The following ADCY8 variants were observed in gnomAD, a reference collection of about 807,000 sequenced individuals.
ADCY8 encodes the protein adenylate cyclase type 8.
ADCY8 carries 51 observed loss-of-function variants against 119.7 expected under a neutral mutation model. That is an observed-to-expected ratio of 0.43 (90% CI 0.34 to 0.54). The LOEUF (loss-of-function observed/expected upper bound fraction) is 0.54. Ranked by LOEUF, ADCY8 falls within the 20% of genes least tolerant of loss-of-function variation. The probability of loss-of-function intolerance (pLI) is 0.03; values close to 1 mark genes in which losing one functional copy is unlikely to be tolerated. For missense variants in ADCY8, 1,383 were observed against 1,598.8 expected (o/e 0.87, Z 2.30); for synonymous variants, 665 against 651.0 (o/e 1.02, Z -0.33).
intron 15 of ADCY8, among the ~76,000 whole-genome samples, chr8:130,787,599 A>G (rs1368445239): frequency 6.6e-6 from 1 of 152,150 alleles, no homozygotes; most frequent in Non-Finnish European, 1.5e-5. Context: ...CTACATGTGT[A>G]CAGTACATGT....
rs114405066 is a variant in ADCY8 at position 130,797,311 on chromosome 8, T to C, written c.3060+3115A>G. On this transcript the variant is annotated intron_variant, in intron 15 of 17. Coordinates refer to ENST00000286355, the MANE Select transcript of ADCY8 (RefSeq NM_001115.3). ...GTAGCCCAAGACAATTCTTCTTTCA[T>C]TGTAGCCCAAGGAAGCCAAAACACT... 9.6e-3 allele frequency among the ~76,000 whole-genome samples: 1,456 copies of C among 152,306 alleles called. 18 individuals carry two copies. The highest frequency in any genetic ancestry group is 0.033 in the African/African-American group (1,388 of 41,554).
chr8:130,885,010 A>G lies in ADCY8; in HGVS notation c.1912-249T>C, dbSNP rs60065744. ...CACACTGAATTCCTTTGGTTGAGGT[A>G]TTTGGAGAGTTGTTGGCTTAGAAAT... On this transcript the variant is annotated intron_variant, in intron 7 of 17. Transcript: ENST00000286355. Among the ~76,000 whole-genome samples, 160 of 152,266 alleles carry G rather than the reference A, an allele frequency of 1.1e-3. 2 individuals carry two copies. The highest frequency in any genetic ancestry group is 3.9e-3 in the African/African-American group (160 of 41,552).
intron 2 of ADCY8, among the ~76,000 whole-genome samples, chr8:130,974,098 C>T (rs370878048): frequency 3.3e-5 from 5 of 152,206 alleles, no homozygotes; most frequent in Admixed American, 3.3e-4. Context: ...GTAGAGTAGA[C>T]TAGCAACCTA....
intron 1 of ADCY8, among the ~76,000 whole-genome samples, chr8:131,014,993 A>T (rs961817381): frequency 1.3e-5 from 2 of 151,114 alleles, no homozygotes; most frequent in African/African-American, 4.9e-5. Context: ...TCAGAGAGAA[A>T]GGAGACAGGC....
chr8:130,909,947 T>A, intron 5 of ADCY8, 81 bp from the exon 6 acceptor site: 1 of 1,364,338 alleles, frequency 7.3e-7, no homozygotes, highest in South Asian at 1.4e-5. Context: ...TTTCTTTTTT[T>A]TTTTTTTTGA....
At chr8:131,027,653 C>T (rs1823862786) in intron 1 of ADCY8, among the ~76,000 whole-genome samples, 1 of 152,140 alleles carries the variant, frequency 6.6e-6, no homozygotes, top group African/African-American at 2.4e-5. Flanking sequence ...GTTGGGCTGC[C>T]TCAATGGAGG....
chr8:130,819,226 C>T (rs1296499453), intron 13 of ADCY8, among the ~76,000 whole-genome samples: 1 of 152,228 alleles, frequency 6.6e-6, no homozygotes, highest in African/African-American at 2.4e-5. Flanking sequence ...AAAGCCTGTA[C>T]TTGTAACTGC....
At chr8:130,831,397 G>A (rs1308325041) in intron 12 of ADCY8, among the ~76,000 whole-genome samples, 1 of 152,178 alleles carries the variant, frequency 6.6e-6, no homozygotes, top group African/African-American at 2.4e-5. Context: ...CTTCAACACA[G>A]TGAGGTAAAT....
intron 2 of ADCY8, among the ~76,000 whole-genome samples, chr8:130,955,501 C>T (rs1264339692): frequency 6.6e-6 from 1 of 152,018 alleles, no homozygotes; most frequent in Non-Finnish European, 1.5e-5. Context: ...ATTAGTGGTG[C>T]ACAATTATGT....
intron 1 of ADCY8, among the ~76,000 whole-genome samples, chr8:131,001,791 C>A (rs1012529979): frequency 7.2e-5 from 11 of 151,984 alleles, no homozygotes; most frequent in Admixed American, 2.0e-4. Context: ...CATGGATGTT[C>A]TTCCTCCAGG....
chr8:130,805,955 C>T (rs192001357), intron 14 of ADCY8, among the ~76,000 whole-genome samples: 84 of 152,304 alleles, frequency 5.5e-4, no homozygotes, highest in Middle Eastern at 6.8e-3. Context: ...ACAATTGTCT[C>T]GAGGTCCAGT....
At position 130,943,434 on chromosome 8, in the gene ADCY8, T is replaced by C. The variant is rs756512897; in HGVS notation, c.1270A>G (p.Thr424Ala). The change falls in exon 4 of 18, where the codon ACC becomes GCC. Residue 424 changes from threonine to alanine, a missense_variant. By Grantham distance (58) the Thr-to-Ala change is moderately conservative. Transcript: ENST00000286355. ...GCAGACAAGGTCGTGGAGAGGTTGG[T>C]AAATCCTTTAACATCTGCAAAAAGA... is the stretch of plus-strand genomic sequence containing the variant. ...SILFADVKGF[T>A]NLSTTLSAQE... The C allele has an allele frequency of 7.0e-7, 1 of 1,427,234 alleles. No homozygotes were observed. The highest frequency in any genetic ancestry group is 1.6e-5 in the African/African-American group (1 of 60,896). 88.4% of individuals were successfully genotyped at this position (1,427,234 alleles called of 1,614,324 possible).
At chr8:130,848,088 T>C (rs1041314659) in intron 10 of ADCY8, among the ~76,000 whole-genome samples, 2 of 152,240 alleles carry the variant, frequency 1.3e-5, no homozygotes, top group African/African-American at 4.8e-5. Context: ...ATGTAGCTGC[T>C]ATTTTTAATC....
At chr8:130,883,194 G>A (rs762847796) in intron 8 of ADCY8, among the ~76,000 whole-genome samples, 12 of 152,212 alleles carry the variant, frequency 7.9e-5, no homozygotes, top group African/African-American at 2.4e-4. Flanking sequence ...AAATAAAAGC[G>A]TTTTGTATAG....
At chr8:130,988,853 C>T (rs550222664) in intron 2 of ADCY8, among the ~76,000 whole-genome samples, 99 of 152,260 alleles carry the variant, frequency 6.5e-4, no homozygotes, top group Non-Finnish European at 1.2e-3. Context: ...TTTAGTGTCT[C>T]CAATATATCA....
At chr8:130,915,429 G>A (rs1260515679) in intron 5 of ADCY8, among the ~76,000 whole-genome samples, 1 of 152,130 alleles carries the variant, frequency 6.6e-6, no homozygotes, top group Non-Finnish European at 1.5e-5. Flanking sequence ...AGGGGCTAGA[G>A]CAAATTACAC....
chr8:130,867,802 T>C (rs909648744), intron 9 of ADCY8, 44 bp downstream of exon 9: 2 of 1,411,680 alleles, frequency 1.4e-6, no homozygotes, highest in Admixed American at 1.8e-5. Flanking sequence ...ATGAGGAATC[T>C]CACAAAGATA....
chr8:130,902,573 C>T (rs1269409079), intron 7 of ADCY8, among the ~76,000 whole-genome samples: 1 of 152,152 alleles, frequency 6.6e-6, no homozygotes, highest in Non-Finnish European at 1.5e-5. Flanking sequence ...CAGAAAGAAA[C>T]CAAAGACAGC....
chr8:130,857,952 T>C (rs540261620), intron 9 of ADCY8, among the ~76,000 whole-genome samples: 60 of 152,304 alleles, frequency 3.9e-4, no homozygotes, highest in African/African-American at 1.3e-3. Context: ...TAAAGCTAAA[T>C]ATATTTGCTG....
Sources: allele counts gnomAD v4.1 joint callset (sites outside exome capture counted in the v4.1 genomes callset), GRCh38; gene constraint gnomAD v4.1.1; transcripts MANE v1.5; gene names NCBI Gene and HGNC (gene_info 2026-07-23, HGNC 2026-07-21).